KLHDC8A: variants seen among roughly 807,000 people sequenced by gnomAD.
KLHDC8A encodes kelch domain containing 8A, also known as kelch domain-containing protein 8A.
Under a neutral mutation model 33.1 loss-of-function variants are expected in KLHDC8A, and 21 were observed. That is an observed-to-expected ratio of 0.64 (90% CI 0.45 to 0.91). The LOEUF (loss-of-function observed/expected upper bound fraction) is 0.91. Ranked by LOEUF, KLHDC8A falls within the 40% of genes least tolerant of loss-of-function variation. The pLI, the probability that KLHDC8A is intolerant of heterozygous loss-of-function variation, is 0.00. For missense variants in KLHDC8A, 435 were observed against 483.3 expected, an observed-to-expected ratio of 0.90 and a Z score of 0.94; for synonymous variants, 173 against 193.5, an observed-to-expected ratio of 0.89 and a Z score of 0.88.
Position 205,339,191 on chromosome 1 carries a change from C to T in KLHDC8A, c.757+3G>A. 4 of 1,613,044 alleles carry T rather than the reference C, an allele frequency of 2.5e-6. No individual in the cohort carries two copies. Among genetic ancestry groups the T allele is most frequent in the Non-Finnish European group, 3.4e-6 (4 of 1,179,362 alleles). ...AGCTTCCTGGGGAAGGTGACCAGCT[C>T]ACCCTGTTCCATGTCGAACACGTCC... is the stretch of plus-strand genomic sequence containing the variant. On this transcript the variant is annotated splice_donor_region_variant and intron_variant, in intron 4 of 5. Coordinates refer to ENST00000367155, the MANE Select transcript of KLHDC8A (RefSeq NM_018203.3). The surrounding 1 kb of genome is among the most constrained non-coding windows in gnomAD (Gnocchi z 5.1).
At chr1:205,338,718 T>A in intron 4 of KLHDC8A, 122 bp from the exon 5 acceptor site, 1 of 730,230 alleles carries the variant, frequency 1.4e-6, no homozygotes, top group Non-Finnish European at 2.3e-6. Context: ...TATTTATCCT[T>A]TATGCTTGGG....
At position 205,343,337 on chromosome 1, in the gene KLHDC8A, T is replaced by G. The variant is rs929364646; in HGVS notation, c.268A>C (p.Asn90His). 6.2e-7 allele frequency: 1 copy of G among 1,613,742 alleles called. No homozygotes were observed. Among genetic ancestry groups the G allele is most frequent in the Non-Finnish European group, 8.5e-7 (1 of 1,179,954 alleles). Residue 90 changes from asparagine (N) to histidine (H), a missense_variant, in exon 2 of 6, where the codon AAT becomes CAT. Transcript: ENST00000367155. The part of the protein sequence containing the change: ...RIMVIGGVGT[N>H]QLPLKVVEMY... Reference sequence around the variant, plus strand: ...TCCACGACCTTCAGGGGCAGCTGATTGGTGCCCACGCCCCCAATCACCATG... The same window carrying G: ...TCCACGACCTTCAGGGGCAGCTGATGGGTGCCCACGCCCCCAATCACCATG...
chr1:205,350,797 G>A (rs949853586), intron 1 of KLHDC8A, among the ~76,000 whole-genome samples: 7 of 152,130 alleles, frequency 4.6e-5, no homozygotes, highest in African/African-American at 1.7e-4. Flanking sequence ...GATGGCGTGC[G>A]TGCCTGTGTG....
chr1:205,343,994 G>T (rs191778001), intron 1 of KLHDC8A: 34 of 171,572 alleles, frequency 2.0e-4, no homozygotes, highest in Non-Finnish European at 3.6e-4. Context: ...GAAGCAAGCC[G>T]CAGGCCGGGG....
chr1:205,351,170 A>G, intron 1 of KLHDC8A: 1 of 724,746 alleles, frequency 1.4e-6, no homozygotes, highest in Non-Finnish European at 2.5e-6. Flanking sequence ...TACATAGCAT[A>G]TATTGGGCTT....
chr1:205,341,840 C>CG (rs1662798583), intron 2 of KLHDC8A, among the ~76,000 whole-genome samples: 1 of 152,076 alleles, frequency 6.6e-6, no homozygotes. Context: ...TTAGTAGAGA[C>CG]GGGTTTCACC....
chr1:205,356,828 C>T lies in KLHDC8A; in HGVS notation c.-485G>A, dbSNP rs1427706643. 3.4e-6 allele frequency: 1 copy of T among 294,622 alleles called. No homozygotes were observed. Among genetic ancestry groups the T allele is most frequent in the Non-Finnish European group, 6.8e-6 (1 of 147,082 alleles). 18.3% of individuals were successfully genotyped at this position (294,622 alleles called of 1,614,324 possible). On this transcript the variant is annotated 5_prime_UTR_variant, in exon 1 of 6. Transcript: ENST00000367155. ...GGTCCCTGAGTTCCAGGAGGCGTGACCCCCCTACTGAGAGGGCCTCAGCCA... is the reference window on the plus strand; with the variant it reads ...GGTCCCTGAGTTCCAGGAGGCGTGATCCCCCTACTGAGAGGGCCTCAGCCA...
chr1:205,346,992 C>G (rs189471143), intron 1 of KLHDC8A, among the ~76,000 whole-genome samples: 1 of 152,164 alleles, frequency 6.6e-6, no homozygotes, highest in South Asian at 2.1e-4. Flanking sequence ...CTATGCAGAC[C>G]GTGAGATCTA....
At chr1:205,341,862 G>A (rs1662799540) in intron 2 of KLHDC8A, among the ~76,000 whole-genome samples, 1 of 152,116 alleles carries the variant, frequency 6.6e-6, no homozygotes, top group African/African-American at 2.4e-5. Context: ...TGTTAGCTGG[G>A]ATGGTCTTGA....
At chr1:205,351,907 G>T (rs1458891294) in intron 1 of KLHDC8A, among the ~76,000 whole-genome samples, 1 of 148,092 alleles carries the variant, frequency 6.8e-6, no homozygotes, top group African/African-American at 2.5e-5. Context: ...CAACAAGGGC[G>T]AAACTCCGTC....
At chr1:205,346,533 C>T (rs1303024751) in intron 1 of KLHDC8A, among the ~76,000 whole-genome samples, 1 of 152,162 alleles carries the variant, frequency 6.6e-6, no homozygotes, top group African/African-American at 2.4e-5. Context: ...ATTTGTGTCA[C>T]TTGTTGAGAT....
At position 205,343,809 on chromosome 1, in the gene KLHDC8A, G is replaced by A; in HGVS notation, c.-189-16C>T. On this transcript the variant is annotated splice_polypyrimidine_tract_variant and intron_variant, in intron 1 of 5. Transcript: ENST00000367155. ...ACGCCTGGCCCTGCGGGGGGAACGC[G>A]GTGAATCAAGGGCAGCTGGGGCCAC... is the stretch of plus-strand genomic sequence containing the variant. 1.7e-6 allele frequency: 1 copy of A among 579,530 alleles called. No homozygotes were observed. Among genetic ancestry groups the A allele is most frequent in the Non-Finnish European group, 2.9e-6 (1 of 344,522 alleles). 35.9% of individuals were successfully genotyped at this position (579,530 alleles called of 1,614,324 possible).
intron 1 of KLHDC8A, among the ~76,000 whole-genome samples, chr1:205,344,644 T>G (rs371927442): frequency 3.9e-4 from 60 of 152,284 alleles, no homozygotes; most frequent in African/African-American, 1.4e-3. Context: ...CCAGCTTTGC[T>G]GGGGGGAGGT....
At chr1:205,350,586 G>A (rs77794136) in intron 1 of KLHDC8A, among the ~76,000 whole-genome samples, 62 of 152,212 alleles carry the variant, frequency 4.1e-4, no homozygotes, top group African/African-American at 1.4e-3. Context: ...ACTCAGACAC[G>A]GCTCTTTAAA....
intron 2 of KLHDC8A, among the ~76,000 whole-genome samples, chr1:205,340,790 ATTC>A (rs1208404537): frequency 6.6e-6 from 1 of 152,162 alleles, no homozygotes; most frequent in Non-Finnish European, 1.5e-5. Flanking sequence ...GAGTAGAGAT[ATTC>A]TTCTGATGCC....
At position 205,339,895 on chromosome 1, in the gene KLHDC8A, G is replaced by A; in HGVS notation, c.377-87C>T. 1 of 1,304,774 alleles carries A rather than the reference G, an allele frequency of 7.7e-7. No homozygotes were observed. Among genetic ancestry groups the A allele is most frequent in the Non-Finnish European group, 1.1e-6 (1 of 940,762 alleles). The allele number at this position is 1,304,774 out of a possible 1,614,324, so 80.8% of individuals were successfully genotyped here. A position where few individuals can be genotyped will look rare whatever the true frequency, so the allele number is the denominator to read the frequency against. ...CAGCATCTATTGCCTCCCATGGCCA[G>A]GCCAAGCTTTCAACCACTGCTCAGC... On this transcript the variant is annotated intron_variant, in intron 2 of 5. Coordinates refer to ENST00000367155, the MANE Select transcript of KLHDC8A (RefSeq NM_018203.3). This position sits in a 1 kb window ranked among gnomAD's most constrained non-coding sequence, Gnocchi z 5.1.
In KLHDC8A at chr1:205,351,002, A is replaced by G. The variant is rs186143600; in HGVS notation, c.-190+5531T>C. On this transcript the variant is annotated intron_variant, in intron 1 of 5. Transcript: ENST00000367155. Reference sequence around the variant, plus strand: ...GCCTGCTAGAAACAGAAGGCTAAACAAAAGGCTGGCCTGCTCACCCTCACC... The same window carrying G: ...GCCTGCTAGAAACAGAAGGCTAAACGAAAGGCTGGCCTGCTCACCCTCACC... 3.0e-3 allele frequency among the ~76,000 whole-genome samples: 460 copies of G among 152,312 alleles called. 8 individuals are homozygous for G. The highest frequency in any genetic ancestry group is 8.8e-4 in the Non-Finnish European group (60 of 68,020).
intron 1 of KLHDC8A, among the ~76,000 whole-genome samples, chr1:205,353,668 T>G (rs1663184333): frequency 6.6e-6 from 1 of 152,182 alleles, no homozygotes; most frequent in African/African-American, 2.4e-5. Context: ...TAGCTGGGAC[T>G]ATAGACACGC....
chr1:205,345,125 G>T (rs1357529650), intron 1 of KLHDC8A, among the ~76,000 whole-genome samples: 1 of 152,218 alleles, frequency 6.6e-6, no homozygotes, highest in Admixed American at 6.5e-5. Flanking sequence ...CTGCAAGGCC[G>T]ATGGGATCTT....
Sources: allele counts gnomAD v4.1 joint callset (sites outside exome capture counted in the v4.1 genomes callset), GRCh38; gene constraint gnomAD v4.1.1; non-coding constraint Gnocchi (gnomAD v3.1); transcripts MANE v1.5; gene names NCBI Gene and HGNC (gene_info 2026-07-23, HGNC 2026-07-21).